Variants in ZNHIT6 observed in about 807,000 individuals in gnomAD.
ZNHIT6 encodes the protein zinc finger HIT-type containing 6, also known as box C/D snoRNA protein 1.
ZNHIT6 carries 45 observed loss-of-function variants against 57.2 expected under a neutral mutation model. The ratio of observed to expected loss-of-function variants is 0.79; its 90% confidence interval spans 0.62 to 1.01. ZNHIT6 has a LOEUF of 1.01. Among genes scored for constraint, ZNHIT6 ranks in the 50% least tolerant of loss-of-function variants. The pLI is 0.00. For missense variants in ZNHIT6, 528 were observed against 567.3 expected (o/e 0.93, Z 0.70); for synonymous variants, 188 against 190.0 (o/e 0.99, Z 0.09).
rs1223272373 is a variant in ZNHIT6 at position 85,650,444 on chromosome 1, T to A, written c.*3614A>T. 6.6e-6 allele frequency: 1 copy of A among 152,250 alleles called. No individual in the cohort carries two copies. The highest frequency in any genetic ancestry group is 6.5e-5 in the Admixed American group (1 of 15,274). The allele number at this position is 152,250 out of a possible 1,614,324, so 9.4% of individuals were successfully genotyped here. ...CCCAGTCATTGCCTGGACTTCCCTG[T>A]ATATAAGCCAATGAACTGCCCTTCA... On this transcript the variant is annotated 3_prime_UTR_variant, in exon 10 of 10. Transcript: ENST00000370574.
At chr1:85,698,875 A>G (rs1444774303) in intron 5 of ZNHIT6, among the ~76,000 whole-genome samples, 1 of 152,118 alleles carries the variant, frequency 6.6e-6, no homozygotes, top group Non-Finnish European at 1.5e-5. Flanking sequence ...TATACAGTAA[A>G]TGTGGCATAT....
At chr1:85,696,267 A>G (rs1289986538) in intron 5 of ZNHIT6, among the ~76,000 whole-genome samples, 2 of 151,864 alleles carry the variant, frequency 1.3e-5, no homozygotes, top group Non-Finnish European at 1.5e-5. Flanking sequence ...ACACCTAGCT[A>G]ATTTTTAAAT....
intron 5 of ZNHIT6, among the ~76,000 whole-genome samples, chr1:85,693,211 G>A (rs1194708248): frequency 3.3e-5 from 5 of 152,060 alleles, no homozygotes; most frequent in Non-Finnish European, 7.4e-5. Context: ...TGAGGAAATG[G>A]GTGGTTAGTC....
rs139077414 is a variant in ZNHIT6, at chr1:85,685,476, T to C, written c.1020-4572A>G. Among the ~76,000 whole-genome samples the C allele has an allele frequency of 2.6e-5, 4 of 151,324 alleles. No individual in the cohort carries two copies. In the East Asian group the frequency reaches 7.7e-4, roughly 29 times the overall value. On this transcript the variant is annotated intron_variant, in intron 5 of 9. Coordinates refer to ENST00000370574, the MANE Select transcript of ZNHIT6 (RefSeq NM_017953.4). ...AGTATGAAGGCCATACCCCAAACTT[T>C]TAGCTATGATTATTTCTTGACATTA...
At chr1:85,696,852 CTTTT>C (rs67507264) in intron 5 of ZNHIT6, among the ~76,000 whole-genome samples, 2 of 113,690 alleles carry the variant, frequency 1.8e-5, no homozygotes, top group Non-Finnish European at 3.5e-5. Flanking sequence ...ACCATCTATT[CTTTT>C]TTTTTTTTTT....
At chr1:85,663,658 T>G (rs1194929039) in intron 8 of ZNHIT6, among the ~76,000 whole-genome samples, 1 of 152,184 alleles carries the variant, frequency 6.6e-6, no homozygotes, top group Non-Finnish European at 1.5e-5. Flanking sequence ...GATAGAAATG[T>G]AAAGTGACAC....
At chr1:85,677,077 C>T (rs1042774456) in intron 8 of ZNHIT6, among the ~76,000 whole-genome samples, 159 bp downstream of exon 8, 20 of 152,158 alleles carry the variant, frequency 1.3e-4, no homozygotes, top group Non-Finnish European at 2.4e-4. Flanking sequence ...CCCAATTTAT[C>T]CTATAAGTCT....
Position 85,649,707 on chromosome 1 carries a change from G to A in ZNHIT6, c.*4351C>T, listed in dbSNP as rs1159475397. ...TATTTAAGTAGTCTTCATTTTTGAA[G>A]CATTTTCCCCTAGTACTCTAATTTC... On this transcript the variant is annotated 3_prime_UTR_variant, in exon 10 of 10. Transcript: ENST00000370574. The A allele has an allele frequency of 1.3e-5, 2 of 152,036 alleles. No homozygotes were observed. Among genetic ancestry groups the A allele is most frequent in the Non-Finnish European group, 2.9e-5 (2 of 68,002 alleles). The allele number at this position is 152,036 out of a possible 1,614,324, so 9.4% of individuals were successfully genotyped here.
intron 9 of ZNHIT6, among the ~76,000 whole-genome samples, chr1:85,656,584 G>T (rs1661066187): frequency 6.6e-6 from 1 of 151,958 alleles, no homozygotes; most frequent in Non-Finnish European, 1.5e-5. Flanking sequence ...AGAGCACTGT[G>T]AATTTATTAA....
At chr1:85,682,461 TGAGTA>T (rs1343278137) in intron 5 of ZNHIT6, among the ~76,000 whole-genome samples, 1 of 152,164 alleles carries the variant, frequency 6.6e-6, no homozygotes, top group African/African-American at 2.4e-5. Flanking sequence ...AATTCTTGCT[TGAGTA>T]ATTTCAAAAA....
chr1:85,681,029 C>A, intron 5 of ZNHIT6, 125 bp from the exon 6 acceptor site: 1 of 629,568 alleles, frequency 1.6e-6, no homozygotes, highest in Non-Finnish European at 2.6e-6. Context: ...CATATATTTT[C>A]TATTAAGAGC....
In ZNHIT6 at chr1:85,707,804, T is replaced by C. The variant is rs748648102; in HGVS notation, c.481A>G (p.Ile161Val). 4.3e-6 allele frequency: 7 copies of C among 1,614,180 alleles called. No homozygotes were observed. In the East Asian group the frequency reaches 1.1e-4, roughly 26 times the overall value. Residue 161 changes from isoleucine (I) to valine (V), a missense_variant, in exon 1 of 10, where the codon ATA (isoleucine) becomes GTA (valine). By Grantham distance (29) the Ile-to-Val change is conservative (BLOSUM62 3). Coordinates refer to ENST00000370574, the MANE Select transcript of ZNHIT6 (RefSeq NM_017953.4). ...CCAACAAACTTCTCCTCCTGTTTTA[T>C]CTCCAAGTTATCCTTCTCTTCCTTC... Reference protein sequence around the residue: ...EVKEEKDNLEIKQEEKFVGQC... With the variant: ...EVKEEKDNLEVKQEEKFVGQC...
In ZNHIT6 at chr1:85,708,378, G is replaced by T; in HGVS notation, c.-94C>A. 6.8e-6 allele frequency: 10 copies of T among 1,467,558 alleles called. No individual in the cohort carries two copies. The highest frequency in any genetic ancestry group is 9.1e-6 in the Non-Finnish European group (10 of 1,104,348). 90.9% of individuals were successfully genotyped at this position (1,467,558 alleles called of 1,614,324 possible). ...AATTACCGGTCGGAATACCTACGGC[G>T]GCCCACGTGTGGAGCCAAGCAGCCA... On this transcript the variant is annotated 5_prime_UTR_variant, in exon 1 of 10. Coordinates refer to ENST00000370574, the MANE Select transcript of ZNHIT6 (RefSeq NM_017953.4).
In ZNHIT6 at chr1:85,649,934, AAAAC is replaced by A. The variant is rs1482369449; in HGVS notation, c.*4120_*4123del. On this transcript the variant is annotated 3_prime_UTR_variant, in exon 10 of 10. Coordinates refer to ENST00000370574, the MANE Select transcript of ZNHIT6 (RefSeq NM_017953.4). ...AAGAAGAGATTAAAATCTCTAGTTA[AAAAC>A]AATCAAGACTTGCAGATTAAATCTG... is the stretch of plus-strand genomic sequence containing the variant. 1.3e-5 allele frequency: 2 copies of A among 152,248 alleles called. No homozygotes were observed. Among genetic ancestry groups the A allele is most frequent in the African/African-American group, 4.8e-5 (2 of 41,472 alleles). 9.4% of individuals were successfully genotyped at this position (152,248 alleles called of 1,614,324 possible).
rs1662754550 is a variant in ZNHIT6 at position 85,708,263 on chromosome 1, C to A, written c.22G>T (p.Glu8Ter). 1 of 1,601,774 alleles carries A rather than the reference C, an allele frequency of 6.2e-7. No individual in the cohort carries two copies. Among genetic ancestry groups the A allele is most frequent in the Non-Finnish European group, 8.5e-7 (1 of 1,171,832 alleles). The change falls in exon 1 of 10, where the codon GAA becomes TAA. Residue 8 changes from glutamate (E) to a stop codon, truncating the protein, a stop_gained. Coordinates refer to ENST00000370574, the MANE Select transcript of ZNHIT6 (RefSeq NM_017953.4). LOFTEE classifies it high-confidence loss of function. The part of the protein sequence containing the change: MEFAAEN[E>*]GKSGGGLHSV... ...TGGAGACCTCCCCCAGACTTCCCTT[C>A]ATTTTCAGCAGCAAACTCCATCAAC...
intron 5 of ZNHIT6, among the ~76,000 whole-genome samples, chr1:85,701,531 A>T (rs1662528289): frequency 6.6e-6 from 1 of 152,174 alleles, no homozygotes; most frequent in African/African-American, 2.4e-5. Context: ...AATCTCTGTT[A>T]TATTATCTGT....
At chr1:85,693,838 GC>G (rs1557866920) in intron 5 of ZNHIT6, among the ~76,000 whole-genome samples, 1 of 152,186 alleles carries the variant, frequency 6.6e-6, no homozygotes, top group Non-Finnish European at 1.5e-5. Context: ...TTCAAAAGGG[GC>G]TGGGCGTGGG....
At chr1:85,675,562 G>A (rs764540290) in intron 8 of ZNHIT6, among the ~76,000 whole-genome samples, 1 of 152,170 alleles carries the variant, frequency 6.6e-6, no homozygotes, top group Non-Finnish European at 1.5e-5. Context: ...CTCTGGAATG[G>A]TAAATGATCA....
rs1662737122 is a variant in ZNHIT6, at chr1:85,707,889, C to CA, written c.395dup (p.Glu134Ter). 2 of 1,613,996 alleles carry CA rather than the reference C, an allele frequency of 1.2e-6. No individual in the cohort carries two copies. Among genetic ancestry groups the CA allele is most frequent in the African/African-American group, 2.7e-5 (2 of 74,878 alleles). ...TCTCTTCCTTTACCTCTGGTTCACC[C>CA]ACCTTCGCTTCTTTTACCACTAAAC... On this transcript the variant is annotated frameshift_variant, in exon 1 of 10. Transcript: ENST00000370574. LOFTEE classifies it high-confidence loss of function.
Sources: gnomAD v4.1 joint callset for allele counts (sites outside exome capture counted in the v4.1 genomes callset) on GRCh38, gnomAD v4.1.1 for gene constraint, MANE v1.5 for transcripts, NCBI Gene and HGNC (gene_info 2026-07-23, HGNC 2026-07-21) for gene names.